Variants in STYX observed in about 807,000 individuals in gnomAD.
STYX encodes serine/threonine/tyrosine-interacting protein.
A neutral mutation model predicts 42.7 loss-of-function variants in STYX; 20 were observed. That is an observed-to-expected ratio of 0.47 (90% CI 0.33 to 0.68). The LOEUF is 0.68. Ranked by LOEUF, STYX falls within the 30% of genes least tolerant of loss-of-function variation. The pLI is 0.02. For missense variants in STYX, 226 were observed against 268.5 expected (o/e 0.84, Z 1.11); for synonymous variants, 78 against 81.9 (o/e 0.95, Z 0.26).
intron 1 of STYX, among the ~76,000 whole-genome samples, chr14:52,742,742 T>A (rs1398960938): frequency 6.6e-6 from 1 of 152,072 alleles, no homozygotes; most frequent in Non-Finnish European, 1.5e-5. Flanking sequence ...GGGGACTTCC[T>A]TATGCTGGCT....
chr14:52,760,311 A>AT lies in STYX; in HGVS notation c.504+566dup, dbSNP rs200169502. Among the ~76,000 whole-genome samples, 233 of 151,882 alleles carry AT rather than the reference A, an allele frequency of 1.5e-3. 3 individuals carry two copies. The highest frequency in any genetic ancestry group is 0.012 in the East Asian group (63 of 5,180). On this transcript the variant is annotated intron_variant, in intron 9 of 10. Transcript: ENST00000354586. ...AAATAATTGCTGTTAGAAATGTCTGATTTTTTTTTGTTGTTCATTTTGATC... is the reference window on the plus strand; with the variant it reads ...AAATAATTGCTGTTAGAAATGTCTGATTTTTTTTTTGTTGTTCATTTTGATC...
Position 52,771,535 on chromosome 14 carries a change from C to G in STYX, c.*429C>G, listed in dbSNP as rs1247821233. 6.5e-6 allele frequency: 1 copy of G among 153,258 alleles called. No homozygotes were observed. The highest frequency in any genetic ancestry group is 1.5e-5 in the Non-Finnish European group (1 of 68,538). 9.5% of individuals were successfully genotyped at this position (153,258 alleles called of 1,614,324 possible). On this transcript the variant is annotated 3_prime_UTR_variant, in exon 11 of 11. Coordinates refer to ENST00000354586, the MANE Select transcript of STYX (RefSeq NM_145251.4). ...AATTTGCTAAGGTTTGCTAAAAATT[C>G]ATTTTTCTGTTCTATATATTACATT...
rs1881937670 is a variant in STYX at position 52,757,877 on chromosome 14, A to G, written c.384A>G (p.Ala128=). The change falls in exon 8 of 11, where the codon GCA becomes GCG. Residue 128 remains alanine (A), a synonymous_variant. Coordinates refer to ENST00000354586, the MANE Select transcript of STYX (RefSeq NM_145251.4). ...VHGNAGISRS[A]AFVIAYIMET... ...AAAATTATTTTCCCCTCTTCAGTGC[A>G]GCCTTTGTTATTGCATACATTATGG... The G allele has an allele frequency of 6.2e-7, 1 of 1,612,690 alleles. No homozygotes were observed. The highest frequency in any genetic ancestry group is 8.5e-7 in the Non-Finnish European group (1 of 1,179,806).
intron 4 of STYX, among the ~76,000 whole-genome samples, chr14:52,754,353 C>T (rs945473998): frequency 2.0e-5 from 3 of 151,446 alleles, no homozygotes; most frequent in African/African-American, 7.3e-5. Context: ...GCTGGGACTA[C>T]AGGTGCACCA....
intron 2 of STYX, among the ~76,000 whole-genome samples, chr14:52,745,813 T>C (rs965913392): frequency 3.3e-5 from 5 of 152,130 alleles, no homozygotes; most frequent in Non-Finnish European, 5.9e-5. Context: ...TTTGAAAAAA[T>C]AGGTGAGTAC....
chr14:52,757,458 T>TGCAGG, intron 6 of STYX, 103 bp downstream of exon 6: 2 of 1,091,278 alleles, frequency 1.8e-6, no homozygotes, highest in Non-Finnish European at 2.7e-6. Context: ...GTTACAATTA[T>TGCAGG]ATGTAGTAGC....
intron 9 of STYX, among the ~76,000 whole-genome samples, chr14:52,762,826 T>C (rs1181227100): frequency 6.7e-6 from 1 of 150,276 alleles, no homozygotes; most frequent in African/African-American, 2.4e-5. Flanking sequence ...TCAGACAACA[T>C]TCTTCATTTG....
At chr14:52,732,044 G>T (rs558151077) in intron 1 of STYX, among the ~76,000 whole-genome samples, 4 of 149,980 alleles carry the variant, frequency 2.7e-5, no homozygotes, top group Non-Finnish European at 5.9e-5. Context: ...GAAAGTGTTG[G>T]GATTACAGGT....
chr14:52,732,981 A>G (rs574529243), intron 1 of STYX, among the ~76,000 whole-genome samples: 1 of 152,292 alleles, frequency 6.6e-6, no homozygotes, highest in Non-Finnish European at 1.5e-5. Context: ...ATGCTTTCAT[A>G]TCCTCAAAAT....
At position 52,730,166 on chromosome 14, in the gene STYX, G is replaced by T; in HGVS notation, c.-309G>T. ...GGGGGCGGGAAGGAGGCGGGGAGAC[G>T]GTTGTCGGGCTGGTTCCTGTGCTGG... On this transcript the variant is annotated 5_prime_UTR_variant, in exon 1 of 11. Transcript: ENST00000354586. 4.6e-6 allele frequency: 2 copies of T among 434,648 alleles called. No homozygotes were observed. Among genetic ancestry groups the T allele is most frequent in the South Asian group, 1.0e-4 (2 of 19,328 alleles). 26.9% of individuals were successfully genotyped at this position (434,648 alleles called of 1,614,324 possible).
chr14:52,759,267 A>G (rs1001781633), intron 8 of STYX, among the ~76,000 whole-genome samples: 1 of 152,078 alleles, frequency 6.6e-6, no homozygotes, highest in Non-Finnish European at 1.5e-5. Context: ...GGACTATACC[A>G]CATCACTGTG....
chr14:52,730,231 G>A lies in STYX; in HGVS notation c.-244G>A, dbSNP rs1880633635. 6 of 567,562 alleles carry A rather than the reference G, an allele frequency of 1.1e-5. No individual in the cohort carries two copies. The highest frequency in any genetic ancestry group is 1.6e-5 in the Non-Finnish European group (5 of 317,598). The allele number at this position is 567,562 out of a possible 1,614,324, so 35.2% of individuals were successfully genotyped here. On this transcript the variant is annotated 5_prime_UTR_variant, in exon 1 of 11. Coordinates refer to ENST00000354586, the MANE Select transcript of STYX (RefSeq NM_145251.4). Reference sequence around the variant, plus strand: ...GAGGGGTACGGAGACTCTGGGGGAGGGAGACGGCAGCGGCATGGCGGCCGG... The same window carrying A: ...GAGGGGTACGGAGACTCTGGGGGAGAGAGACGGCAGCGGCATGGCGGCCGG...
At chr14:52,768,726 C>A in intron 9 of STYX, 114 bp from the exon 10 acceptor site, 2 of 629,522 alleles carry the variant, frequency 3.2e-6, no homozygotes, top group Non-Finnish European at 5.1e-6. Flanking sequence ...AACAATATGG[C>A]ACTAGATTTT....
intron 4 of STYX, among the ~76,000 whole-genome samples, chr14:52,755,099 GT>G (rs965752661): frequency 2.4e-4 from 35 of 142,920 alleles, no homozygotes; most frequent in Admixed American, 2.9e-4. Context: ...CAGCTTCTGT[GT>G]TTTTTTTTGT....
chr14:52,730,566 C>T (rs1177438959), intron 1 of STYX, 35 bp downstream of exon 1: 8 of 1,605,746 alleles, frequency 5.0e-6, no homozygotes, highest in Non-Finnish European at 6.0e-6. Context: ...GCACAGGCCT[C>T]TCCCTGTGGC....
intron 1 of STYX, among the ~76,000 whole-genome samples, chr14:52,735,372 A>G (rs1880908648): frequency 6.6e-6 from 1 of 152,198 alleles, no homozygotes. Flanking sequence ...TAGCCAGGAA[A>G]GGGCAGATAC....
chr14:52,752,922 C>A (rs1299457453), intron 4 of STYX, among the ~76,000 whole-genome samples: 1 of 147,170 alleles, frequency 6.8e-6, no homozygotes. Flanking sequence ...ACTCTGTCAC[C>A]CAGGCTGGAG....
chr14:52,754,256 A>G (rs1881760923), intron 4 of STYX, among the ~76,000 whole-genome samples: 1 of 151,462 alleles, frequency 6.6e-6, no homozygotes, highest in South Asian at 2.1e-4. Context: ...TCTGCTGCCC[A>G]GCCTGGATTG....
chr14:52,738,009 C>T (rs559639232), intron 1 of STYX, among the ~76,000 whole-genome samples: 20 of 152,236 alleles, frequency 1.3e-4, no homozygotes, highest in African/African-American at 4.8e-4. Context: ...ATCTCCTGAC[C>T]CTGTGATCCA....
Sources: gnomAD v4.1 joint callset for allele counts (sites outside exome capture counted in the v4.1 genomes callset) on GRCh38, gnomAD v4.1.1 for gene constraint, MANE v1.5 for transcripts, NCBI Gene and HGNC (gene_info 2026-07-23, HGNC 2026-07-21) for gene names.